Variants in CDH18 observed in about 807,000 individuals in gnomAD.
The protein encoded by CDH18 is cadherin-18.
CDH18 carries 31 observed loss-of-function variants against 67.9 expected under a neutral mutation model. The ratio of observed to expected loss-of-function variants is 0.46; its 90% confidence interval spans 0.34 to 0.62. CDH18 has a LOEUF of 0.62. Ranked by LOEUF, CDH18 falls within the 20% of genes least tolerant of loss-of-function variation. CDH18 has a pLI of 0.01. For missense variants in CDH18, 890 were observed against 975.5 expected, an observed-to-expected ratio of 0.91 and a Z score of 1.17; for synonymous variants, 362 against 347.2, an observed-to-expected ratio of 1.04 and a Z score of -0.48.
intron 1 of CDH18, among the ~76,000 whole-genome samples, chr5:20,483,394 G>T (rs4566799): frequency 0.15 from 22,757 of 151,594 alleles, 3,436 homozygotes; most frequent in African/African-American, 0.4. Context: ...ACAATAATGC[G>T]TTTCACAGAA....
At chr5:20,250,513 G>A (rs1018846275) in intron 2 of CDH18, among the ~76,000 whole-genome samples, 2 of 145,526 alleles carry the variant, frequency 1.4e-5, no homozygotes, top group African/African-American at 2.6e-5. Context: ...GGATGGTTTC[G>A]ATCTGTTGAC....
chr5:20,398,718 TA>T (rs1027380984), intron 1 of CDH18, among the ~76,000 whole-genome samples: 1 of 151,558 alleles, frequency 6.6e-6, no homozygotes, highest in Non-Finnish European at 1.5e-5. Flanking sequence ...TATAACCATG[TA>T]AAAAACCACC....
At chr5:20,075,483 T>C (rs866437153) in intron 2 of CDH18, among the ~76,000 whole-genome samples, 2 of 151,796 alleles carry the variant, frequency 1.3e-5, no homozygotes, top group African/African-American at 2.4e-5. Flanking sequence ...AGCCTGCTGA[T>C]AGAGATAGAC....
chr5:20,497,563 C>T (rs990216224), intron 1 of CDH18, among the ~76,000 whole-genome samples: 3 of 152,014 alleles, frequency 2.0e-5, no homozygotes, highest in Non-Finnish European at 2.9e-5. Flanking sequence ...TGTAAGTACA[C>T]GCTGTGATGT....
At chr5:19,766,470 G>A (rs1773106500) in intron 3 of CDH18, among the ~76,000 whole-genome samples, 1 of 152,022 alleles carries the variant, frequency 6.6e-6, no homozygotes, top group Non-Finnish European at 1.5e-5. Context: ...TACTTAGATT[G>A]TCGTACTTAT....
intron 1 of CDH18, among the ~76,000 whole-genome samples, chr5:20,538,538 G>A (rs1267653357): frequency 6.6e-6 from 1 of 152,118 alleles, no homozygotes; most frequent in Non-Finnish European, 1.5e-5. Flanking sequence ...CTTTGTGGCT[G>A]AAAGGCTATG....
At chr5:19,767,996 C>A (rs1773305155) in intron 3 of CDH18, among the ~76,000 whole-genome samples, 1 of 152,126 alleles carries the variant, frequency 6.6e-6, no homozygotes, top group Non-Finnish European at 1.5e-5. Flanking sequence ...CTCCCTCCAC[C>A]TCCACTGCAG....
intron 1 of CDH18, among the ~76,000 whole-genome samples, chr5:20,297,681 T>A (rs1044396856): frequency 2.0e-5 from 3 of 152,128 alleles, no homozygotes; most frequent in Non-Finnish European, 4.4e-5. Context: ...CAAATGTCAC[T>A]TTTTCTTATA....
At position 20,088,974 on chromosome 5, in the gene CDH18, G is replaced by C. The variant is rs1219319365; in HGVS notation, c.-517-96960C>G. 2.0e-5 allele frequency among the ~76,000 whole-genome samples: 3 copies of C among 151,926 alleles called. No homozygotes were observed. The South Asian group carries it at 6.2e-4, about 32-fold the overall frequency. ...TTTATTAAAATTTGGGACCCCTCCT[G>C]GTTTTTTAATATAACAGTATTTCCA... On this transcript the variant is annotated intron_variant, in intron 2 of 14. Coordinates refer to the CDH18 transcript ENST00000507958.
chr5:20,069,401 T>A (rs567788765), intron 2 of CDH18, among the ~76,000 whole-genome samples: 143 of 91,136 alleles, frequency 1.6e-3, no homozygotes, highest in African/African-American at 4.5e-3. Context: ...CTCTTTTTTT[T>A]ATTATTTTTA....
intron 2 of CDH18, among the ~76,000 whole-genome samples, chr5:19,966,191 A>G (rs1287724060): frequency 1.3e-5 from 2 of 152,200 alleles, no homozygotes; most frequent in African/African-American, 4.8e-5. Flanking sequence ...GTTATTCATC[A>G]TTAAAACATA....
chr5:20,307,496 A>G (rs1325376904), intron 1 of CDH18, among the ~76,000 whole-genome samples: 1 of 152,172 alleles, frequency 6.6e-6, no homozygotes, highest in Non-Finnish European at 1.5e-5. Flanking sequence ...AAACAATATG[A>G]ATTAAAGTTA....
chr5:19,558,367 T>G (rs1333586415), intron 8 of CDH18, among the ~76,000 whole-genome samples: 1 of 151,810 alleles, frequency 6.6e-6, no homozygotes. Context: ...AGTTAATTCT[T>G]TAAAAAGATA....
intron 2 of CDH18, among the ~76,000 whole-genome samples, chr5:20,250,726 C>T (rs938512512): frequency 6.7e-6 from 1 of 149,480 alleles, no homozygotes; most frequent in African/African-American, 2.5e-5. Context: ...TTACCTCAAC[C>T]TCCTGAGTAG....
chr5:19,527,792 A>G (rs1747972842), intron 9 of CDH18, among the ~76,000 whole-genome samples: 1 of 151,850 alleles, frequency 6.6e-6, no homozygotes, highest in Non-Finnish European at 1.5e-5. Flanking sequence ...GTTATCATAC[A>G]AATTCTAGAT....
At chr5:20,003,667 C>G (rs1409197233) in intron 2 of CDH18, among the ~76,000 whole-genome samples, 1 of 152,042 alleles carries the variant, frequency 6.6e-6, no homozygotes, top group African/African-American at 2.4e-5. Context: ...GGCCGAGGTG[C>G]GGATCACGAG....
chr5:19,627,828 TAC>T (rs1485834640), intron 5 of CDH18, among the ~76,000 whole-genome samples: 2 of 152,110 alleles, frequency 1.3e-5, no homozygotes, highest in African/African-American at 2.4e-5. Context: ...CTATTTCAGG[TAC>T]ATTCATGGGA....
intron 1 of CDH18, among the ~76,000 whole-genome samples, chr5:20,515,254 T>C (rs1488026779): frequency 6.8e-6 from 1 of 148,126 alleles, no homozygotes; most frequent in Non-Finnish European, 1.5e-5. Flanking sequence ...ATCTTCCCAG[T>C]GGCAGAGTGT....
At chr5:20,297,731 GA>G (rs536474378) in intron 1 of CDH18, among the ~76,000 whole-genome samples, 2 of 151,904 alleles carry the variant, frequency 1.3e-5, no homozygotes, top group Non-Finnish European at 2.9e-5. Context: ...ACATTTCTAA[GA>G]AAAAAAATTG....
Sources: allele counts gnomAD v4.1 joint callset (sites outside exome capture counted in the v4.1 genomes callset), GRCh38; gene constraint gnomAD v4.1.1; transcripts MANE v1.5; gene names NCBI Gene and HGNC (gene_info 2026-07-23, HGNC 2026-07-21).